Variants in REXO4 observed in about 807,000 individuals in gnomAD.
REXO4 encodes the protein RNA exonuclease 4, also known as REX4 homolog, 3'-5' exonuclease.
A neutral mutation model predicts 39.9 loss-of-function variants in REXO4; 29 were observed. That is an observed-to-expected ratio of 0.73 (90% CI 0.54 to 0.99). The LOEUF (loss-of-function observed/expected upper bound fraction) is 0.99, where lower values mean the gene tolerates loss of function less well. Among genes scored for constraint, REXO4 ranks in the 50% least tolerant of loss-of-function variants. REXO4 has a pLI of 0.00. For synonymous variants in REXO4, 184 were observed against 206.2 expected (o/e 0.89, Z 0.92); for missense variants, 524 against 546.5 (o/e 0.96, Z 0.41).
At position 133,411,012 on chromosome 9, in the gene REXO4, C is replaced by CA; in HGVS notation, c.971dup (p.His326AlafsTer5). On this transcript the variant is annotated frameshift_variant, in exon 5 of 8. Coordinates refer to ENST00000371942, the MANE Select transcript of REXO4 (RefSeq NM_020385.4). LOFTEE classifies it high-confidence loss of function. ...TTAGGTCATTATGCAGAGCGTGCCCCACTAGAATTCTGCCCTTCAGCATCT... is the reference window on the plus strand; with the variant it reads ...TTAGGTCATTATGCAGAGCGTGCCCCAACTAGAATTCTGCCCTTCAGCATCT... The CA allele has an allele frequency of 6.2e-7, 1 of 1,614,130 alleles. No homozygotes were observed. Among genetic ancestry groups the CA allele is most frequent in the South Asian group, 1.1e-5 (1 of 91,088 alleles).
intron 2 of REXO4, 108 bp downstream of exon 2, chr9:133,414,557 G>C (rs1268241615): frequency 2.1e-6 from 2 of 954,704 alleles, no homozygotes; most frequent in Non-Finnish European, 3.4e-6. Flanking sequence ...ACGACATCAG[G>C]GTAAAGTGAT....
Position 133,414,773 on chromosome 9 carries a change from T to C in REXO4, c.464A>G (p.Asn155Ser), listed in dbSNP as rs781910782. Reference sequence around the variant, plus strand: ...TGTCCTTTCCTTGGTTCCTTTCTTATTGTGCTCTGTTCCACTGGCCTTGGT... The same window carrying C: ...TGTCCTTTCCTTGGTTCCTTTCTTACTGTGCTCTGTTCCACTGGCCTTGGT... The part of the protein sequence containing the change: ...PRTKASGTEH[N>S]KKGTKERTNG... The change falls in exon 2 of 8, where the codon AAT (asparagine) becomes AGT (serine). Residue 155 changes from asparagine to serine, a missense_variant. Transcript: ENST00000371942. 8.1e-6 allele frequency: 13 copies of C among 1,614,214 alleles called. No individual in the cohort carries two copies. Among genetic ancestry groups the C allele is most frequent in the South Asian group, 5.5e-5 (5 of 91,076 alleles).
At position 133,406,696 on chromosome 9, in the gene REXO4, G is replaced by T; in HGVS notation, c.*257C>A. ...CCAGGGGGTCAGCAGTCGGTAAAGCGTGGCCAGGCGTGCCCATGGCCGTCC... is the reference window on the plus strand; with the variant it reads ...CCAGGGGGTCAGCAGTCGGTAAAGCTTGGCCAGGCGTGCCCATGGCCGTCC... On this transcript the variant is annotated 3_prime_UTR_variant, in exon 8 of 8. Transcript: ENST00000371942. 1 of 513,000 alleles carries T rather than the reference G, an allele frequency of 1.9e-6. No individual in the cohort carries two copies. The highest frequency in any genetic ancestry group is 3.5e-5 in the East Asian group (1 of 28,522). 31.8% of individuals were successfully genotyped at this position (513,000 alleles called of 1,614,324 possible). A position where few individuals can be genotyped will look rare whatever the true frequency, so the allele number is the denominator to read the frequency against.
intron 4 of REXO4, among the ~76,000 whole-genome samples, chr9:133,411,906 A>G (rs1032488374): frequency 2.6e-5 from 4 of 152,172 alleles, no homozygotes; most frequent in African/African-American, 9.6e-5. Context: ...AGCCTGGGCA[A>G]CAAGAGCAAA....
At chr9:133,409,987 A>G (rs978801230) in intron 5 of REXO4, among the ~76,000 whole-genome samples, 1 of 152,172 alleles carries the variant, frequency 6.6e-6, no homozygotes, top group African/African-American at 2.4e-5. Flanking sequence ...GCAGGAGCAC[A>G]CAGAAGACCT....
intron 7 of REXO4, 77 bp downstream of exon 7, chr9:133,407,730 G>A (rs1838982037): frequency 1.7e-6 from 2 of 1,155,552 alleles, no homozygotes; most frequent in African/African-American, 3.1e-5. Context: ...CCCCATGTCT[G>A]TGTCAGGTGA....
Position 133,414,990 on chromosome 9 carries a change from G to C in REXO4, c.247C>G (p.Gln83Glu). 1 of 1,583,458 alleles carries C rather than the reference G, an allele frequency of 6.3e-7. No individual in the cohort carries two copies. Among genetic ancestry groups the C allele is most frequent in the Non-Finnish European group, 8.5e-7 (1 of 1,170,616 alleles). ...ATGACAAGAGGCTTTTCTGGGGCCT[G>C]AGATTTTTGTTTCAGCAGCCACTGG... The part of the protein sequence containing the change: ...LQEWLLKQKS[Q>E]APEKPLVISQ... The change falls in exon 2 of 8, where the codon CAG (glutamine) becomes GAG (glutamate). Residue 83 changes from glutamine (Q) to glutamate (E), a missense_variant. Gln to Glu is a conservative substitution (Grantham distance 29, BLOSUM62 2). Transcript: ENST00000371942.
At chr9:133,415,361 G>A (rs1839517964) in intron 1 of REXO4, among the ~76,000 whole-genome samples, 1 of 151,542 alleles carries the variant, frequency 6.6e-6, no homozygotes, top group Non-Finnish European at 1.5e-5. Flanking sequence ...AAGAATTTTG[G>A]AGTTAACTTC....
At chr9:133,407,305 A>G (rs1588127518) in intron 7 of REXO4, among the ~76,000 whole-genome samples, 1 of 152,298 alleles carries the variant, frequency 6.6e-6, no homozygotes, top group East Asian at 1.9e-4. Flanking sequence ...CCAGGAGAAG[A>G]AAGGGAAACC....
chr9:133,413,266 AATTTTTTGT>A (rs1839339331), intron 2 of REXO4, among the ~76,000 whole-genome samples: 1 of 151,846 alleles, frequency 6.6e-6, no homozygotes, highest in Non-Finnish European at 1.5e-5. Context: ...ACGCCTGGCT[AATTTTTTGT>A]ATTTTCAGTA....
intron 7 of REXO4, among the ~76,000 whole-genome samples, chr9:133,407,392 C>T (rs1467925768): frequency 6.6e-6 from 1 of 152,078 alleles, no homozygotes; most frequent in African/African-American, 2.4e-5. Flanking sequence ...GTGCTGGGCA[C>T]AGGGGCACAA....
At position 133,414,813 on chromosome 9, in the gene REXO4, C is replaced by T. The variant is rs781806472; in HGVS notation, c.424G>A (p.Ala142Thr). ...VPSGSKMDRR[A>T]PVPRTKASGT... ...CTGGCCTTGGTGCGAGGTACTGGCG[C>T]CCTCCTGTCCATCTTGGAACCTGAA... is the stretch of plus-strand genomic sequence containing the variant. The change falls in exon 2 of 8, where the codon GCG becomes ACG. Residue 142 changes from alanine to threonine, a missense_variant. Transcript: ENST00000371942. The T allele has an allele frequency of 1.9e-6, 3 of 1,614,196 alleles. No individual in the cohort carries two copies. The highest frequency in any genetic ancestry group is 2.5e-6 in the Non-Finnish European group (3 of 1,180,032).
chr9:133,418,117 C>T, upstream of REXO4: 1 of 496,810 alleles, frequency 2.0e-6, no homozygotes, highest in East Asian at 3.5e-5. Context: ...TTCACCCGCA[C>T]GGGACTTGGG....
In REXO4 at chr9:133,414,726, G is replaced by A. The variant is rs782234380; in HGVS notation, c.511C>T (p.Arg171Ter). 9 of 1,613,968 alleles carry A rather than the reference G, an allele frequency of 5.6e-6. No individual in the cohort carries two copies. The highest frequency in any genetic ancestry group is 4.5e-5 in the East Asian group (2 of 44,884). ...ERTNGDIVPE[R>*]GDIEHKKRKA... ...CGCTTCTTATGCTCGATGTCCCCTC[G>A]TTCTGGAACAATATCACCATTTGTC... is the stretch of plus-strand genomic sequence containing the variant. Residue 171 changes from arginine to a stop codon, truncating the protein, a stop_gained, in exon 2 of 8, where the codon CGA becomes TGA. Transcript: ENST00000371942. LOFTEE classifies it high-confidence loss of function.
intron 1 of REXO4, among the ~76,000 whole-genome samples, chr9:133,417,169 G>A (rs1265768849): frequency 6.6e-6 from 1 of 152,110 alleles, no homozygotes; most frequent in African/African-American, 2.4e-5. Flanking sequence ...GCGCCATCAC[G>A]CCCGGCTAAT....
chr9:133,407,952 G>A, intron 6 of REXO4, 71 bp from the exon 7 acceptor site: 2 of 1,254,754 alleles, frequency 1.6e-6, no homozygotes, highest in South Asian at 1.3e-5. Flanking sequence ...CACCAAGCAG[G>A]GAGCGGTTGG....
chr9:133,406,750 A>C lies in REXO4; in HGVS notation c.*203T>G. 1 of 755,390 alleles carries C rather than the reference A, an allele frequency of 1.3e-6. No homozygotes were observed. The highest frequency in any genetic ancestry group is 2.1e-6 in the Non-Finnish European group (1 of 481,100). 46.8% of individuals were successfully genotyped at this position (755,390 alleles called of 1,614,324 possible). A position where few individuals can be genotyped will look rare whatever the true frequency, so the allele number is the denominator to read the frequency against. On this transcript the variant is annotated 3_prime_UTR_variant, in exon 8 of 8. Transcript: ENST00000371942. ...CTCCCCACCCTGACCATCCGGGCCC[A>C]AACACACATGGACAGTAAGACCAGG...
At position 133,408,985 on chromosome 9, in the gene REXO4, T is replaced by TGA. The variant is rs1554779618; in HGVS notation, c.1000-145_1000-144dup. 215 of 459,614 alleles carry TGA rather than the reference T, an allele frequency of 4.7e-4. 1 individual carries two copies. The highest frequency in any genetic ancestry group is 6.5e-4 in the Non-Finnish European group (170 of 260,746). 28.5% of individuals were successfully genotyped at this position (459,614 alleles called of 1,614,324 possible). ...GTGTGTGTGTGTGTGTGTGTGTGTG[T>TGA]GACGGAGTCTTGCTCTGTCACCCAG... On this transcript the variant is annotated intron_variant, in intron 5 of 7. Transcript: ENST00000371942.
At chr9:133,413,054 C>A (rs587605167) in intron 2 of REXO4, 133 bp from the exon 3 acceptor site, 22 of 926,430 alleles carry the variant, frequency 2.4e-5, no homozygotes, top group Admixed American at 1.6e-4. Context: ...GCCCCAGACA[C>A]CCCGACTGCT....
Sources: gnomAD v4.1 joint callset for allele counts (sites outside exome capture counted in the v4.1 genomes callset) on GRCh38, gnomAD v4.1.1 for gene constraint, MANE v1.5 for transcripts, NCBI Gene and HGNC (gene_info 2026-07-23, HGNC 2026-07-21) for gene names.